Variants in LRRC37A2 observed in about 807,000 individuals in gnomAD.
LRRC37A2 encodes the protein leucine rich repeat containing 37 member A2.
In LRRC37A2, 9 loss-of-function variants were observed where a neutral mutation model predicts 68.8. The observed-to-expected ratio is 0.13, with a 90% CI of 0.08 to 0.23. LRRC37A2 has a LOEUF of 0.23. Among genes scored for constraint, LRRC37A2 ranks in the 10% least tolerant of loss-of-function variants. LRRC37A2 has a pLI of 1.00. For missense variants in LRRC37A2, 168 were observed against 950.4 expected, an observed-to-expected ratio of 0.18 and a Z score of 10.82; for synonymous variants, 63 against 367.6, an observed-to-expected ratio of 0.17 and a Z score of 9.48.
chr17:46,585,476 G>A, the LRRC37A2 span, among the ~76,000 whole-genome samples: 1 of 85,266 alleles, frequency 1.2e-5, no homozygotes, highest in Non-Finnish European at 2.7e-5. Flanking sequence ...GCCCCTCCCA[G>A]GAGATGCTGA....
the LRRC37A2 span, among the ~76,000 whole-genome samples, chr17:46,994,605 A>C: frequency 6.6e-6 from 1 of 152,052 alleles, no homozygotes; most frequent in African/African-American, 2.4e-5. Context: ...TCTACAGTAA[A>C]ATTTTAAAGA....
chr17:46,723,262 C>T, the LRRC37A2 span, among the ~76,000 whole-genome samples: 1 of 152,236 alleles, frequency 6.6e-6, no homozygotes, highest in Non-Finnish European at 1.5e-5. Flanking sequence ...CATGATCTCA[C>T]AGCCTGATGG....
the LRRC37A2 span, among the ~76,000 whole-genome samples, chr17:46,850,009 G>A: frequency 4.6e-5 from 7 of 152,202 alleles, no homozygotes; most frequent in African/African-American, 1.7e-4. Context: ...TGCCACACCC[G>A]GCTAATGTCT....
At chr17:46,968,399 A>T in the LRRC37A2 span, among the ~76,000 whole-genome samples, 1 of 152,144 alleles carries the variant, frequency 6.6e-6, no homozygotes, top group Admixed American at 6.5e-5. Flanking sequence ...TGAATGTGTG[A>T]CTCATTCCCA....
chr17:46,818,739 C>T, the LRRC37A2 span: 4 of 836,598 alleles, frequency 4.8e-6, no homozygotes, highest in East Asian at 5.3e-5. Context: ...AGCCGCCCCC[C>T]TCCCGAGCCC....
the LRRC37A2 span, among the ~76,000 whole-genome samples, chr17:46,822,705 G>A: frequency 3.3e-5 from 5 of 152,182 alleles, no homozygotes; most frequent in Non-Finnish European, 7.3e-5. Context: ...GCTTAGCTGG[G>A]GATAAGGGGT....
intron 12 of LRRC37A2, chr17:46,554,313 G>A (rs2057139488): frequency 1.9e-5 from 2 of 105,570 alleles, no homozygotes; most frequent in Non-Finnish European, 3.0e-5. Flanking sequence ...TGTAATCCCA[G>A]CTACTTGGGA....
the LRRC37A2 span, among the ~76,000 whole-genome samples, chr17:46,766,301 G>A: frequency 0.63 from 94,887 of 151,794 alleles, 32,230 homozygotes; most frequent in South Asian, 0.82. Flanking sequence ...CCAGCTACTC[G>A]GGAGGCTGAG....
the LRRC37A2 span, among the ~76,000 whole-genome samples, chr17:46,494,070 C>T: frequency 6.7e-6 from 1 of 149,722 alleles, no homozygotes; most frequent in Non-Finnish European, 1.5e-5. Context: ...GTCTTGAACT[C>T]CTGAGCTCAA....
the LRRC37A2 span, among the ~76,000 whole-genome samples, chr17:46,612,364 A>G: frequency 4.0e-4 from 4 of 10,064 alleles, no homozygotes; most frequent in Non-Finnish European, 6.1e-4. Flanking sequence ...TAACTCAGCA[A>G]TTCTACTCCT....
At chr17:46,922,500 TAAAG>T in the LRRC37A2 span, among the ~76,000 whole-genome samples, 4 of 151,834 alleles carry the variant, frequency 2.6e-5, no homozygotes, top group South Asian at 2.1e-4. Context: ...AATAATAAAA[TAAAG>T]AAAAAAAATC....
At chr17:46,792,031 T>A in the LRRC37A2 span, among the ~76,000 whole-genome samples, 2 of 152,164 alleles carry the variant, frequency 1.3e-5, no homozygotes, top group African/African-American at 2.4e-5. Flanking sequence ...CAGAGTGAGA[T>A]CCTGTCTCTT....
At chr17:46,859,168 G>A in the LRRC37A2 span, among the ~76,000 whole-genome samples, 7 of 151,918 alleles carry the variant, frequency 4.6e-5, no homozygotes, top group Admixed American at 3.3e-4. Flanking sequence ...TGGAGATGGG[G>A]TTTCACCATG....
chr17:47,010,143 G>C, the LRRC37A2 span, among the ~76,000 whole-genome samples: 1 of 152,212 alleles, frequency 6.6e-6, no homozygotes, highest in Non-Finnish European at 1.5e-5. Context: ...GTCCCAGAAG[G>C]GGTGGACCGT....
chr17:46,764,005 G>T, the LRRC37A2 span: 1 of 152,212 alleles, frequency 6.6e-6, no homozygotes, highest in Non-Finnish European at 1.5e-5. Context: ...AGGCCACCCT[G>T]AGCTGCCAGT....
At chr17:46,931,232 T>G in the LRRC37A2 span, 2 of 1,055,268 alleles carry the variant, frequency 1.9e-6, no homozygotes, top group African/African-American at 3.1e-5. Context: ...CTGACATGGC[T>G]CTGATACTCC....
At chr17:46,896,466 A>C in the LRRC37A2 span, among the ~76,000 whole-genome samples, 1 of 134,478 alleles carries the variant, frequency 7.4e-6, no homozygotes, top group African/African-American at 3.3e-5. Context: ...GAAAGAAAGA[A>C]AGAAAGAAAG....
chr17:46,951,217 C>T, the LRRC37A2 span, among the ~76,000 whole-genome samples: 1 of 152,164 alleles, frequency 6.6e-6, no homozygotes, highest in Non-Finnish European at 1.5e-5. Flanking sequence ...GGACGCAGCC[C>T]ACAGGCTTGG....
the LRRC37A2 span, among the ~76,000 whole-genome samples, chr17:46,880,237 C>A: frequency 6.6e-6 from 1 of 152,194 alleles, no homozygotes. Flanking sequence ...TTCCTGGTAC[C>A]CTTCATCACC....
Sources: allele counts gnomAD v4.1 joint callset (sites outside exome capture counted in the v4.1 genomes callset), GRCh38; gene constraint gnomAD v4.1.1; transcripts MANE v1.5; gene names NCBI Gene and HGNC (gene_info 2026-07-23, HGNC 2026-07-21).